RBPJ: variants seen among roughly 807,000 people sequenced by gnomAD.
RBPJ encodes recombining binding protein suppressor of hairless.
A neutral mutation model predicts 67.8 loss-of-function variants in RBPJ; 9 were observed. The observed-to-expected ratio is 0.13, with a 90% confidence interval of 0.08 to 0.23. RBPJ has a LOEUF of 0.23. Among genes scored for constraint, RBPJ ranks in the 10% least tolerant of loss-of-function variants. The pLI, the probability that RBPJ is intolerant of heterozygous loss-of-function variation, is 1.00. For missense variants in RBPJ, 305 were observed against 595.6 expected (o/e 0.51, Z 5.08); for synonymous variants, 198 against 203.3 (o/e 0.97, Z 0.22).
chr4:26,133,440 C>G, the RBPJ span, among the ~76,000 whole-genome samples: 1 of 152,180 alleles, frequency 6.6e-6, no homozygotes, highest in Non-Finnish European at 1.5e-5. Context: ...AACTGAGACT[C>G]AGAGTTCAAG....
intron 1 of RBPJ, among the ~76,000 whole-genome samples, chr4:26,352,562 GGCC>G (rs1339741602): frequency 6.6e-6 from 1 of 152,204 alleles, no homozygotes; most frequent in East Asian, 1.9e-4. Context: ...CACTTTGGGA[GGCC>G]GAGGTGGGTG....
At chr4:26,199,585 G>C (rs1199717314) in intron 1 of RBPJ, among the ~76,000 whole-genome samples, 2 of 152,140 alleles carry the variant, frequency 1.3e-5, no homozygotes, top group Non-Finnish European at 2.9e-5. Flanking sequence ...TGGCTGGGGA[G>C]GGGAGAGGAA....
At chr4:26,214,719 G>T (rs1180912107) in intron 1 of RBPJ, among the ~76,000 whole-genome samples, 2 of 92,592 alleles carry the variant, frequency 2.2e-5, no homozygotes, top group Non-Finnish European at 4.8e-5. Flanking sequence ...GAAGGAGAGA[G>T]AGAGAAAGAA....
At chr4:26,236,432 C>T (rs1185586399) in intron 1 of RBPJ, among the ~76,000 whole-genome samples, 1 of 152,184 alleles carries the variant, frequency 6.6e-6, no homozygotes, top group Non-Finnish European at 1.5e-5. Flanking sequence ...CAGGGTCTCT[C>T]ATGAAGTTGC....
intron 2 of RBPJ, among the ~76,000 whole-genome samples, chr4:26,400,522 G>A (rs912935392): frequency 6.6e-6 from 1 of 152,194 alleles, no homozygotes; most frequent in South Asian, 2.1e-4. Flanking sequence ...ACTATTTATT[G>A]TGTTTCTTTA....
At chr4:26,314,850 T>A (rs1437124899), upstream of RBPJ, among the ~76,000 whole-genome samples, 1 of 152,070 alleles carries the variant, frequency 6.6e-6, no homozygotes, top group Non-Finnish European at 1.5e-5. Context: ...CACTAGCAGC[T>A]CATGAAGATA....
intron 1 of RBPJ, among the ~76,000 whole-genome samples, chr4:26,255,828 A>G (rs1346506117): frequency 2.0e-5 from 3 of 151,994 alleles, no homozygotes. Context: ...AGAAAAGAAA[A>G]AAGAAAATCA....
At position 26,210,692 on chromosome 4, in the gene RBPJ, T is replaced by TTTCC. The variant is rs1560212007; in HGVS notation, c.-167+47081_-167+47082insCTTC. Among the ~76,000 whole-genome samples, 382 of 46,178 alleles carry TTTCC rather than the reference T, an allele frequency of 8.3e-3. 8 individuals carry two copies. Among genetic ancestry groups the TTTCC allele is most frequent in the Middle Eastern group, 0.078 (9 of 116 alleles). 30.3% of individuals were successfully genotyped at this position (46,178 alleles called of 152,430 possible). A position where few individuals can be genotyped will look rare whatever the true frequency, so the allele number is the denominator to read the frequency against. ...TTTCTTTCTTTCTTTCTTTCCTTTC[T>TTTCC]TTCTTTCTTTCTTTCCTTCTTTCCT... On this transcript the variant is annotated intron_variant, in intron 1 of 4. Coordinates refer to the RBPJ transcript ENST00000512351.
chr4:26,211,899 G>C (rs140524026), intron 1 of RBPJ, among the ~76,000 whole-genome samples: 1 of 152,098 alleles, frequency 6.6e-6, no homozygotes. Context: ...GTGTCCTTAC[G>C]AAAAGGAAAA....
chr4:26,319,825 G>A (rs371070858), upstream of RBPJ: 6 of 1,564,070 alleles, frequency 3.8e-6, no homozygotes, highest in African/African-American at 6.8e-5. Context: ...GCGGGAGGCA[G>A]TGCTGGATCT....
At chr4:26,313,996 A>G (rs556507497) in intron 1 of RBPJ, among the ~76,000 whole-genome samples, 1 of 152,268 alleles carries the variant, frequency 6.6e-6, no homozygotes, top group South Asian at 2.1e-4. Context: ...CAAAATTCAA[A>G]GGATCCAAGA....
At chr4:26,201,003 T>TTGAATGAATGAATGCA (rs1399011415) in intron 1 of RBPJ, among the ~76,000 whole-genome samples, 1 of 152,218 alleles carries the variant, frequency 6.6e-6, no homozygotes, top group Admixed American at 6.5e-5. Context: ...CAAAACCAAA[T>TTGAATGAATGAATGCA]TGAATGAATG....
chr4:26,268,752 T>A (rs935218313), intron 1 of RBPJ, among the ~76,000 whole-genome samples: 2 of 152,050 alleles, frequency 1.3e-5, no homozygotes, highest in Admixed American at 1.3e-4. Flanking sequence ...GAGGGGCAGC[T>A]GCAGCAGAGG....
the RBPJ span, among the ~76,000 whole-genome samples, chr4:26,149,348 C>T: frequency 3.9e-5 from 6 of 152,126 alleles, no homozygotes; most frequent in South Asian, 1.2e-3. Flanking sequence ...TGCCTCTGGT[C>T]AAGTGAGATA....
At chr4:26,191,200 TATATATATATAGAGAGAG>T (rs1222218072) in intron 1 of RBPJ, among the ~76,000 whole-genome samples, 4 of 31,340 alleles carry the variant, frequency 1.3e-4, no homozygotes, top group Non-Finnish European at 2.3e-4. Context: ...TATATATATA[TATATATATATAGAGAGAG>T]AGAGAGAGAG....
chr4:26,306,217 C>A (rs1176346001), intron 1 of RBPJ, among the ~76,000 whole-genome samples: 1 of 151,674 alleles, frequency 6.6e-6, no homozygotes, highest in African/African-American at 2.4e-5. Flanking sequence ...ATTGTCCTGG[C>A]TAGAACCTTC....
intron 2 of RBPJ, among the ~76,000 whole-genome samples, chr4:26,402,331 T>C (rs1361626546): frequency 6.6e-6 from 1 of 152,200 alleles, no homozygotes; most frequent in Non-Finnish European, 1.5e-5. Context: ...CTTGGAATGT[T>C]AGTGGGAATC....
At chr4:26,308,169 G>C (rs986200336) in intron 1 of RBPJ, among the ~76,000 whole-genome samples, 5 of 152,154 alleles carry the variant, frequency 3.3e-5, no homozygotes, top group Non-Finnish European at 7.3e-5. Flanking sequence ...CCAGCTAGTC[G>C]GGAGGCTGAG....
chr4:26,240,784 A>G (rs572032256), intron 1 of RBPJ, among the ~76,000 whole-genome samples: 1 of 152,238 alleles, frequency 6.6e-6, no homozygotes, highest in Non-Finnish European at 1.5e-5. Context: ...TGGACTCTCA[A>G]ACTGCCTTCG....
Sources: gnomAD v4.1 joint callset for allele counts (sites outside exome capture counted in the v4.1 genomes callset) on GRCh38, gnomAD v4.1.1 for gene constraint, MANE v1.5 for transcripts, NCBI Gene and HGNC (gene_info 2026-07-23, HGNC 2026-07-21) for gene names.